The following GRM8 variants were observed in gnomAD, a reference collection of about 807,000 sequenced individuals.
GRM8 encodes glutamate metabotropic receptor 8.
In GRM8, 47 loss-of-function variants were observed where a neutral mutation model predicts 87.2. The ratio of observed to expected loss-of-function variants is 0.54; its 90% CI spans 0.43 to 0.69. The LOEUF is 0.69. Among genes scored for constraint, GRM8 ranks in the 30% least tolerant of loss-of-function variants. The pLI is 0.00. For missense variants in GRM8, 1,019 were observed against 1,139.2 expected (o/e 0.89, Z 1.52); for synonymous variants, 396 against 404.5 (o/e 0.98, Z 0.25).
intron 6 of GRM8, among the ~76,000 whole-genome samples, chr7:126,831,371 C>G (rs7783173): frequency 6.6e-6 from 1 of 152,084 alleles, no homozygotes; most frequent in African/African-American, 2.4e-5. Flanking sequence ...TCGAGCTTCC[C>G]GGCTGCTTTG....
intron 2 of GRM8, among the ~76,000 whole-genome samples, chr7:127,220,638 C>T (rs1329017748): frequency 6.6e-6 from 1 of 151,972 alleles, no homozygotes; most frequent in East Asian, 1.9e-4. Flanking sequence ...GTGCATGCCA[C>T]CATGTCCAGC....
chr7:126,681,098 G>A (rs966444252), intron 7 of GRM8, among the ~76,000 whole-genome samples: 23 of 152,126 alleles, frequency 1.5e-4, no homozygotes, highest in African/African-American at 5.6e-4. Flanking sequence ...GAAAATAAGT[G>A]GTTAGGCAGC....
At chr7:126,650,729 G>A (rs1278933356) in intron 7 of GRM8, among the ~76,000 whole-genome samples, 1 of 151,740 alleles carries the variant, frequency 6.6e-6, no homozygotes, top group African/African-American at 2.4e-5. Context: ...TCACCAACAG[G>A]TGACTTCAGC....
intron 2 of GRM8, among the ~76,000 whole-genome samples, chr7:127,113,900 G>T (rs1826540150): frequency 6.6e-6 from 1 of 152,146 alleles, no homozygotes; most frequent in South Asian, 2.1e-4. Flanking sequence ...TGAGGAGTTA[G>T]GGCTAGAAGT....
intron 2 of GRM8, among the ~76,000 whole-genome samples, chr7:127,175,598 C>A (rs532782052): frequency 6.6e-6 from 1 of 152,224 alleles, no homozygotes; most frequent in South Asian, 2.1e-4. Context: ...CCAGAAGGAA[C>A]AAACACTTTA....
intron 3 of GRM8, among the ~76,000 whole-genome samples, chr7:127,081,210 T>C (rs1346035057): frequency 6.6e-6 from 1 of 152,152 alleles, no homozygotes; most frequent in Non-Finnish European, 1.5e-5. Context: ...TTCCCCCACC[T>C]GCCTCCACCC....
At position 127,106,681 on chromosome 7, in the gene GRM8, G is replaced by T; in HGVS notation, c.542C>A (p.Pro181Gln). The change falls in exon 3 of 11, where the codon CCA (proline) becomes CAA (glutamine). Residue 181 changes from proline (P) to glutamine (Q), a missense_variant. Pro to Gln is a moderately conservative substitution (Grantham distance 76). Coordinates refer to ENST00000339582, the MANE Select transcript of GRM8 (RefSeq NM_000845.3). ...ATACCTGGTGTTATCACTTAGCTCT[G>T]GGGCTGTGGATGCATAGCTGATTTG... is the stretch of plus-strand genomic sequence containing the variant. ...IPQISYASTA[P>Q]ELSDNTRYDF... 1.2e-6 allele frequency: 2 copies of T among 1,613,624 alleles called. No homozygotes were observed. Among genetic ancestry groups the T allele is most frequent in the Non-Finnish European group, 1.7e-6 (2 of 1,179,606 alleles).
intron 6 of GRM8, among the ~76,000 whole-genome samples, chr7:126,779,798 C>T (rs1399777212): frequency 6.6e-6 from 1 of 152,098 alleles, no homozygotes; most frequent in Admixed American, 6.5e-5. Context: ...AAATTCTACA[C>T]ATCCTAGCAA....
chr7:126,536,743 G>C (rs1815789186), intron 8 of GRM8, among the ~76,000 whole-genome samples: 1 of 151,822 alleles, frequency 6.6e-6, no homozygotes, highest in African/African-American at 2.4e-5. Flanking sequence ...CATTTTTGAA[G>C]GTTATATTTA....
At chr7:126,596,866 G>T (rs1797250828) in intron 8 of GRM8, among the ~76,000 whole-genome samples, 1 of 152,098 alleles carries the variant, frequency 6.6e-6, no homozygotes, top group South Asian at 2.1e-4. Context: ...AAAAAACTAT[G>T]TAAAAGGGAC....
At chr7:127,118,705 G>A (rs1320582654) in intron 2 of GRM8, among the ~76,000 whole-genome samples, 1 of 152,170 alleles carries the variant, frequency 6.6e-6, no homozygotes, top group Non-Finnish European at 1.5e-5. Flanking sequence ...TCAAATCCAG[G>A]TAGTCTGACC....
intron 3 of GRM8, among the ~76,000 whole-genome samples, chr7:126,971,770 G>T (rs1810454943): frequency 6.6e-6 from 1 of 152,116 alleles, no homozygotes; most frequent in South Asian, 2.1e-4. Flanking sequence ...AGCAACAGGA[G>T]CACAGGCAGC....
At chr7:127,180,170 T>A (rs188285082) in intron 2 of GRM8, among the ~76,000 whole-genome samples, 13 of 152,072 alleles carry the variant, frequency 8.5e-5, no homozygotes, top group Admixed American at 2.0e-4. Flanking sequence ...ACAGGAGATA[T>A]TACAACTGAC....
intron 3 of GRM8, chr7:127,058,246 T>TGTC: frequency 2.3e-6 from 1 of 435,092 alleles, no homozygotes; most frequent in Non-Finnish European, 4.6e-6. Flanking sequence ...AAGAGAGCTT[T>TGTC]AAAGTTTCTC....
chr7:126,977,108 T>C (rs1009126335), intron 3 of GRM8, among the ~76,000 whole-genome samples: 1 of 152,166 alleles, frequency 6.6e-6, no homozygotes, highest in Non-Finnish European at 1.5e-5. Context: ...TTCACCAAAA[T>C]GTATATAAAT....
chr7:126,587,775 T>C (rs60356312), intron 8 of GRM8, among the ~76,000 whole-genome samples: 1 of 151,492 alleles, frequency 6.6e-6, no homozygotes, highest in African/African-American at 2.4e-5. Context: ...TATACATATA[T>C]AACAAACCTG....
intron 8 of GRM8, among the ~76,000 whole-genome samples, chr7:126,556,434 G>T (rs946032430): frequency 2.0e-5 from 3 of 151,284 alleles, no homozygotes; most frequent in African/African-American, 7.3e-5. Context: ...ATCACCTGAG[G>T]TCAGGAGTTC....
At chr7:126,722,377 G>C (rs1455366359) in intron 7 of GRM8, among the ~76,000 whole-genome samples, 1 of 151,992 alleles carries the variant, frequency 6.6e-6, no homozygotes, top group Non-Finnish European at 1.5e-5. Context: ...CATACTTCTT[G>C]AATCAGCCTC....
chr7:126,631,107 T>C (rs1314641097), intron 7 of GRM8, among the ~76,000 whole-genome samples: 2 of 152,184 alleles, frequency 1.3e-5, no homozygotes, highest in Non-Finnish European at 2.9e-5. Flanking sequence ...TGTTTGTAGA[T>C]GACATGATCC....
Sources: gnomAD v4.1 joint callset for allele counts (sites outside exome capture counted in the v4.1 genomes callset) on GRCh38, gnomAD v4.1.1 for gene constraint, MANE v1.5 for transcripts, NCBI Gene and HGNC (gene_info 2026-07-23, HGNC 2026-07-21) for gene names.